CDC42BPB: variants seen among roughly 807,000 people sequenced by gnomAD.
The protein encoded by CDC42BPB is CDC42 binding protein kinase beta.
In CDC42BPB, 37 loss-of-function variants were observed where a neutral mutation model predicts 214.9. The observed-to-expected ratio is 0.17, with a 90% CI of 0.13 to 0.23. CDC42BPB has a LOEUF of 0.23. Ranked by LOEUF, CDC42BPB falls within the 10% of genes least tolerant of loss-of-function variation. The probability of loss-of-function intolerance (pLI) is 1.00; values close to 1 mark genes in which losing one functional copy is unlikely to be tolerated. For synonymous variants in CDC42BPB, 931 were observed against 884.0 expected (o/e 1.05, Z -0.94); for missense variants, 1,694 against 2,227.0 (o/e 0.76, Z 4.82).
intron 1 of CDC42BPB, among the ~76,000 whole-genome samples, chr14:103,047,382 C>G (rs1332588599): frequency 6.6e-6 from 1 of 151,832 alleles, no homozygotes; most frequent in African/African-American, 2.4e-5. Context: ...CAAAAAGACC[C>G]ACCAAAGAAC....
At chr14:102,977,803 T>C (rs1205503121) in intron 9 of CDC42BPB, among the ~76,000 whole-genome samples, 2 of 152,182 alleles carry the variant, frequency 1.3e-5, no homozygotes, top group Admixed American at 6.5e-5. Flanking sequence ...CCGAGGCCTG[T>C]TTCTGCACCA....
chr14:103,042,311 C>T (rs975186424), intron 1 of CDC42BPB, among the ~76,000 whole-genome samples: 3 of 151,280 alleles, frequency 2.0e-5, no homozygotes, highest in African/African-American at 4.9e-5. Context: ...AAACACAACC[C>T]AATTTTTTTT....
chr14:102,941,310 C>T (rs1891878419), intron 30 of CDC42BPB: 1 of 985,362 alleles, frequency 1.0e-6, no homozygotes, highest in African/African-American at 1.7e-5. Context: ...CATCAGGACA[C>T]ACCTCACTGT....
intron 5 of CDC42BPB, 52 bp downstream of exon 5, chr14:102,999,513 G>A (rs949149421): frequency 2.5e-6 from 4 of 1,592,180 alleles, no homozygotes; most frequent in Admixed American, 1.7e-5. Flanking sequence ...TCTGAAAGGA[G>A]TCTTTTAACA....
At chr14:102,998,516 A>G (rs935876119) in intron 5 of CDC42BPB, among the ~76,000 whole-genome samples, 12 of 152,206 alleles carry the variant, frequency 7.9e-5, no homozygotes, top group African/African-American at 2.9e-4. Context: ...AAACAACGAA[A>G]ACCAAAACAA....
intron 1 of CDC42BPB, 49 bp from the exon 2 acceptor site, chr14:103,012,237 T>G (rs778443657): frequency 1.3e-6 from 2 of 1,524,812 alleles, no homozygotes; most frequent in South Asian, 1.2e-5. Flanking sequence ...CAGTTCATAC[T>G]ATATAAAAAT....
chr14:102,981,400 A>T (rs1039786908), intron 7 of CDC42BPB, among the ~76,000 whole-genome samples: 4 of 152,252 alleles, frequency 2.6e-5, no homozygotes, highest in African/African-American at 9.6e-5. Flanking sequence ...AGTTACTAAG[A>T]GGAAACACAA....
At position 103,001,747 on chromosome 14, in the gene CDC42BPB, C is replaced by T. The variant is rs375871376; in HGVS notation, c.448-2034G>A. 1.2e-4 allele frequency among the ~76,000 whole-genome samples: 18 copies of T among 152,280 alleles called. 1 individual carries two copies. Among genetic ancestry groups the T allele is most frequent in the East Asian group, 5.8e-4 (3 of 5,172 alleles). ...ACGGGGCCAGGGGAGATGCGGTGAA[C>T]GAACGGCCAGGCCCTCGGGCCCCTA... On this transcript the variant is annotated intron_variant, in intron 4 of 36. Coordinates refer to ENST00000361246, the MANE Select transcript of CDC42BPB (RefSeq NM_006035.4). This position sits in a 1 kb window ranked among gnomAD's most constrained non-coding sequence, Gnocchi z 5.8.
Position 103,052,295 on chromosome 14 carries a change from T to C in CDC42BPB, c.175+4704A>G, listed in dbSNP as rs565404298. Among the ~76,000 whole-genome samples, 13 of 152,360 alleles carry C rather than the reference T, an allele frequency of 8.5e-5. 1 individual carries two copies. In the South Asian group the frequency reaches 2.5e-3, roughly 29 times the overall value. ...ATCATGCAATCCTAACATTTCCCTA[T>C]AATTCAGATCTTACTCAAAAGATCT... On this transcript the variant is annotated intron_variant, in intron 1 of 36. Transcript: ENST00000361246.
intron 1 of CDC42BPB, among the ~76,000 whole-genome samples, chr14:103,033,516 C>T (rs1285789831): frequency 6.6e-6 from 1 of 152,118 alleles, no homozygotes; most frequent in African/African-American, 2.4e-5. Flanking sequence ...GCCACCGCAC[C>T]CAGCTGCTCT....
intron 2 of CDC42BPB, among the ~76,000 whole-genome samples, chr14:103,010,845 C>T (rs373585894): frequency 2.6e-5 from 4 of 152,160 alleles, no homozygotes; most frequent in African/African-American, 9.7e-5. Context: ...TCCTGGCTAA[C>T]ACGGTGAAAC....
chr14:103,021,310 A>T (rs545196960), intron 1 of CDC42BPB, among the ~76,000 whole-genome samples: 31 of 152,192 alleles, frequency 2.0e-4, no homozygotes, highest in East Asian at 1.9e-3. Context: ...AATATTTTTT[A>T]AAAAAATTAG....
chr14:103,013,835 C>G lies in CDC42BPB; in HGVS notation c.176-1647G>C, dbSNP rs75732376. 7.0e-4 allele frequency among the ~76,000 whole-genome samples: 107 copies of G among 152,294 alleles called. 2 individuals carry two copies. The East Asian group carries it at 0.02, about 29-fold the overall frequency. Reference sequence around the variant, plus strand: ...GTGAGATAAATATCTGTTGTTTAAGCCCCCCACTTTGTGGCAACTGGTTAC... The same window carrying G: ...GTGAGATAAATATCTGTTGTTTAAGGCCCCCACTTTGTGGCAACTGGTTAC... On this transcript the variant is annotated intron_variant, in intron 1 of 36. Coordinates refer to ENST00000361246, the MANE Select transcript of CDC42BPB (RefSeq NM_006035.4).
At chr14:103,005,959 C>T (rs900491616) in intron 3 of CDC42BPB, among the ~76,000 whole-genome samples, 3 of 141,376 alleles carry the variant, frequency 2.1e-5, no homozygotes, top group African/African-American at 8.2e-5. Flanking sequence ...ACCGAGGTCG[C>T]AGTGAGCCAA....
At chr14:103,010,963 G>A (rs1886121922) in intron 2 of CDC42BPB, among the ~76,000 whole-genome samples, 1 of 152,222 alleles carries the variant, frequency 6.6e-6, no homozygotes, top group African/African-American at 2.4e-5. Flanking sequence ...CCAGGAGGCA[G>A]AGCTTGCAGT....
rs984922392 is a variant in CDC42BPB at position 102,970,323 on chromosome 14, A to G, written c.1885-62T>C. The G allele has an allele frequency of 5.2e-6, 8 of 1,546,838 alleles. No individual in the cohort carries two copies. In the African/African-American group the frequency reaches 9.5e-5, roughly 18 times the overall value. ...CGAGCCCTGCTTCACCAGTTACAGCAGCACCCACGGGACCTCCACAAGAAC... is the reference window on the plus strand; with the variant it reads ...CGAGCCCTGCTTCACCAGTTACAGCGGCACCCACGGGACCTCCACAAGAAC... On this transcript the variant is annotated intron_variant, in intron 13 of 36. Coordinates refer to ENST00000361246, the MANE Select transcript of CDC42BPB (RefSeq NM_006035.4).
At chr14:102,982,981 G>T (rs1894071662) in intron 7 of CDC42BPB, among the ~76,000 whole-genome samples, 1 of 152,136 alleles carries the variant, frequency 6.6e-6, no homozygotes, top group Non-Finnish European at 1.5e-5. Flanking sequence ...GTGGAGAGAG[G>T]TGACATGGAA....
At chr14:102,987,712 A>G (rs1288450715) in intron 5 of CDC42BPB, among the ~76,000 whole-genome samples, 3 of 152,096 alleles carry the variant, frequency 2.0e-5, no homozygotes. Context: ...TAACACTCCA[A>G]ACTAAAATAA....
chr14:102,961,269 C>T (rs932177144), intron 20 of CDC42BPB, among the ~76,000 whole-genome samples: 1 of 152,078 alleles, frequency 6.6e-6, no homozygotes, highest in Admixed American at 6.5e-5. Flanking sequence ...GGTGTATTTT[C>T]CTATTTATGA....
Sources: gnomAD v4.1 joint callset for allele counts (sites outside exome capture counted in the v4.1 genomes callset) on GRCh38, gnomAD v4.1.1 for gene constraint, Gnocchi (gnomAD v3.1) non-coding constraint, MANE v1.5 for transcripts, NCBI Gene and HGNC (gene_info 2026-07-23, HGNC 2026-07-21) for gene names.